PDE4D: variants seen among roughly 807,000 people sequenced by gnomAD.
PDE4D encodes the protein 3',5'-cyclic-AMP phosphodiesterase 4D.
A neutral mutation model predicts 87.4 loss-of-function variants in PDE4D; 24 were observed. The ratio of observed to expected loss-of-function variants is 0.27; its 90% CI spans 0.20 to 0.39. The LOEUF is 0.39. Ranked by LOEUF, PDE4D falls within the 10% of genes least tolerant of loss-of-function variation. PDE4D has a pLI of 1.00. For missense variants in PDE4D, 714 were observed against 1,041.0 expected (o/e 0.69, Z 4.32); for synonymous variants, 384 against 383.2 (o/e 1.00, Z -0.02).
intron 3 of PDE4D, among the ~76,000 whole-genome samples, chr5:59,939,372 G>A (rs145208853): frequency 1.3e-5 from 2 of 152,104 alleles, no homozygotes; most frequent in African/African-American, 4.8e-5. Flanking sequence ...CACCTACTGT[G>A]GGTCAGTGAA....
intron 1 of PDE4D, among the ~76,000 whole-genome samples, chr5:60,351,278 C>G (rs1175586056): frequency 1.3e-5 from 2 of 152,142 alleles, no homozygotes; most frequent in Non-Finnish European, 2.9e-5. Context: ...ACTAAATATC[C>G]ACTCATCTTC....
chr5:59,564,385 G>A (rs1820548270), intron 1 of PDE4D, among the ~76,000 whole-genome samples: 1 of 152,176 alleles, frequency 6.6e-6, no homozygotes, highest in South Asian at 2.1e-4. Context: ...CCATGAACTT[G>A]GAAGTGAGAG....
chr5:60,095,899 A>G (rs1775629236), intron 2 of PDE4D, among the ~76,000 whole-genome samples: 2 of 152,072 alleles, frequency 1.3e-5, no homozygotes, highest in Non-Finnish European at 2.9e-5. Context: ...TCTTTTGAGA[A>G]GTGTCTGTTT....
intron 1 of PDE4D, among the ~76,000 whole-genome samples, chr5:60,307,380 C>T (rs545860443): frequency 1.7e-4 from 26 of 152,182 alleles, no homozygotes; most frequent in Middle Eastern, 3.4e-3. Flanking sequence ...ATGCCAAAGA[C>T]ACCAAAATAT....
At chr5:59,203,609 A>G (rs187204362) in intron 2 of PDE4D, among the ~76,000 whole-genome samples, 4 of 150,170 alleles carry the variant, frequency 2.7e-5, no homozygotes, top group East Asian at 1.9e-4. Flanking sequence ...ACAGATGAAT[A>G]AAGAAAATGT....
chr5:59,364,586 G>A (rs1159737532), intron 1 of PDE4D, among the ~76,000 whole-genome samples: 1 of 152,000 alleles, frequency 6.6e-6, no homozygotes, highest in East Asian at 1.9e-4. Context: ...AACAAACTTT[G>A]GTCAAAGAAA....
At chr5:59,189,462 C>G (rs1028448489) in intron 3 of PDE4D, among the ~76,000 whole-genome samples, 6 of 152,052 alleles carry the variant, frequency 3.9e-5, no homozygotes, top group Non-Finnish European at 5.9e-5. Context: ...TTTTCTCTTT[C>G]TTTCATCAGA....
chr5:59,426,239 C>T (rs1795187616), intron 1 of PDE4D, among the ~76,000 whole-genome samples: 1 of 152,114 alleles, frequency 6.6e-6, no homozygotes, highest in Non-Finnish European at 1.5e-5. Context: ...CTGTTTAAGC[C>T]ACCAAATCTG....
intron 1 of PDE4D, among the ~76,000 whole-genome samples, chr5:59,258,704 T>C (rs1291352240): frequency 2.0e-5 from 3 of 147,670 alleles, no homozygotes; most frequent in Non-Finnish European, 4.5e-5. Context: ...TATATAATCA[T>C]ATATCATATC....
chr5:60,314,815 CTCA>C, intron 1 of PDE4D, among the ~76,000 whole-genome samples: 1 of 152,262 alleles, frequency 6.6e-6, no homozygotes, highest in Non-Finnish European at 1.5e-5. Flanking sequence ...AGGACATGAA[CTCA>C]TCATTTCTTA....
At chr5:59,633,796 A>G (rs1160921821) in intron 1 of PDE4D, among the ~76,000 whole-genome samples, 2 of 152,242 alleles carry the variant, frequency 1.3e-5, no homozygotes, top group East Asian at 3.8e-4. Context: ...ATTAAATTGT[A>G]AAGACCGCTG....
chr5:60,202,476 A>T (rs1742031478), intron 1 of PDE4D, among the ~76,000 whole-genome samples: 2 of 152,286 alleles, frequency 1.3e-5, no homozygotes. Flanking sequence ...CTGTGATTTA[A>T]TCAATTTTAA....
chr5:59,654,412 T>C (rs1441627280), intron 1 of PDE4D, among the ~76,000 whole-genome samples: 1 of 152,224 alleles, frequency 6.6e-6, no homozygotes, highest in Admixed American at 6.5e-5. Context: ...ATCAGTTTAC[T>C]GACAGACTTT....
chr5:59,840,646 A>T (rs1415178669), intron 1 of PDE4D, among the ~76,000 whole-genome samples: 1 of 152,060 alleles, frequency 6.6e-6, no homozygotes, highest in Non-Finnish European at 1.5e-5. Context: ...TAATTGTCCT[A>T]AACAATTTGA....
intron 1 of PDE4D, among the ~76,000 whole-genome samples, chr5:59,219,755 A>T (rs756232264): frequency 6.6e-6 from 1 of 152,200 alleles, no homozygotes; most frequent in Non-Finnish European, 1.5e-5. Context: ...AAATTGTATT[A>T]TATAGGCAAT....
At chr5:60,351,133 C>T (rs762855451) in intron 1 of PDE4D, among the ~76,000 whole-genome samples, 6 of 152,152 alleles carry the variant, frequency 3.9e-5, no homozygotes, top group Non-Finnish European at 7.4e-5. Flanking sequence ...GTGAGAAACT[C>T]CGTTTGTGGC....
intron 1 of PDE4D, among the ~76,000 whole-genome samples, chr5:60,448,025 A>G (rs981026090): frequency 6.6e-6 from 1 of 152,162 alleles, no homozygotes; most frequent in Non-Finnish European, 1.5e-5. Flanking sequence ...AATCTCACTC[A>G]TAAAACTTGC....
intron 1 of PDE4D, among the ~76,000 whole-genome samples, chr5:59,874,308 C>T (rs767151241): frequency 3.9e-5 from 6 of 152,146 alleles, no homozygotes; most frequent in African/African-American, 1.4e-4. Flanking sequence ...TTTGCACAAA[C>T]GTGAATATTC....
chr5:59,588,639 C>A (rs900172449), intron 1 of PDE4D, among the ~76,000 whole-genome samples: 8 of 152,138 alleles, frequency 5.3e-5, no homozygotes, highest in Non-Finnish European at 1.2e-4. Context: ...ATCTTAAAAA[C>A]CACCATAATT....
Sources: gnomAD v4.1 joint callset for allele counts (sites outside exome capture counted in the v4.1 genomes callset) on GRCh38, gnomAD v4.1.1 for gene constraint, MANE v1.5 for transcripts, NCBI Gene and HGNC (gene_info 2026-07-23, HGNC 2026-07-21) for gene names.